Variants in SLC49A4 observed in about 807,000 individuals in gnomAD.
SLC49A4 encodes solute carrier family 49 member 4.
SLC49A4 carries 36 observed loss-of-function variants against 50.6 expected under a neutral mutation model. The ratio of observed to expected loss-of-function variants is 0.71; its 90% confidence interval spans 0.55 to 0.94. SLC49A4 has a LOEUF of 0.94. Ranked by LOEUF, SLC49A4 falls within the 40% of genes least tolerant of loss-of-function variation. The probability of loss-of-function intolerance (pLI) is 0.00; values close to 1 mark genes in which losing one functional copy is unlikely to be tolerated. For synonymous variants in SLC49A4, 248 were observed against 241.2 expected, an observed-to-expected ratio of 1.03 and a Z score of -0.26; for missense variants, 503 against 605.7, an observed-to-expected ratio of 0.83 and a Z score of 1.78.
chr3:122,872,067 G>C (rs530373991), intron 7 of SLC49A4, among the ~76,000 whole-genome samples: 2 of 151,654 alleles, frequency 1.3e-5, no homozygotes, highest in Admixed American at 1.3e-4. Context: ...TAGATTTTAC[G>C]CTCTCTTTCT....
intron 7 of SLC49A4, among the ~76,000 whole-genome samples, chr3:122,861,043 C>G (rs1254283349): frequency 6.6e-6 from 1 of 152,178 alleles, no homozygotes; most frequent in Non-Finnish European, 1.5e-5. Flanking sequence ...TGCCTTTCTT[C>G]CATCGTTACA....
rs1052053508 is a variant in SLC49A4 at position 122,880,404 on chromosome 3, C to T, written c.*1026C>T. The T allele has an allele frequency of 6.6e-6, 1 of 152,198 alleles. No homozygotes were observed. The highest frequency in any genetic ancestry group is 2.4e-5 in the African/African-American group (1 of 41,378). The allele number at this position is 152,198 out of a possible 1,614,324, so 9.4% of individuals were successfully genotyped here. The stretch of plus-strand genomic sequence containing the variant: ...GGAGTCAGCATATTTGAGAGGGCAG[C>T]GTTTTGCCAGTACCTATCTTCTTTC... On this transcript the variant is annotated 3_prime_UTR_variant, in exon 9 of 9. Transcript: ENST00000261038.
At chr3:122,831,595 G>C (rs1936609291) in intron 3 of SLC49A4, among the ~76,000 whole-genome samples, 5 of 152,098 alleles carry the variant, frequency 3.3e-5, no homozygotes, top group Admixed American at 1.3e-4. Flanking sequence ...GTAGATCAGA[G>C]GTTGCCTAGG....
chr3:122,815,546 A>G (rs571170964), intron 2 of SLC49A4, among the ~76,000 whole-genome samples: 49 of 152,232 alleles, frequency 3.2e-4, no homozygotes, highest in Non-Finnish European at 5.9e-4. Context: ...AAATAGGCAG[A>G]GACAGTTAGG....
intron 4 of SLC49A4, among the ~76,000 whole-genome samples, chr3:122,833,662 A>G (rs1936637453): frequency 6.6e-6 from 1 of 152,174 alleles, no homozygotes; most frequent in South Asian, 2.1e-4. Context: ...TGCCTTCTCT[A>G]CATATCACCT....
chr3:122,823,487 A>G (rs1408295226), intron 2 of SLC49A4, among the ~76,000 whole-genome samples: 5 of 152,182 alleles, frequency 3.3e-5, no homozygotes, highest in Admixed American at 3.3e-4. Context: ...TGCTAGTATC[A>G]CTGTACTTTT....
chr3:122,803,140 A>T (rs2107555373), intron 1 of SLC49A4, among the ~76,000 whole-genome samples: 1 of 152,336 alleles, frequency 6.6e-6, no homozygotes. Context: ...ACACCAAGGC[A>T]CATCATGGTC....
intron 3 of SLC49A4, among the ~76,000 whole-genome samples, chr3:122,829,837 G>A (rs1936585758): frequency 6.6e-6 from 1 of 152,162 alleles, no homozygotes. Context: ...TTAAAACTGT[G>A]CTGGAGGTTC....
intron 2 of SLC49A4, among the ~76,000 whole-genome samples, chr3:122,822,443 ATC>A (rs1396963628): frequency 6.6e-6 from 1 of 152,188 alleles, no homozygotes; most frequent in Non-Finnish European, 1.5e-5. Flanking sequence ...TTATTCCTGC[ATC>A]TGTTTCTTCT....
intron 1 of SLC49A4, among the ~76,000 whole-genome samples, chr3:122,800,049 T>G (rs1441651981): frequency 6.6e-6 from 1 of 152,150 alleles, no homozygotes; most frequent in African/African-American, 2.4e-5. Context: ...GAGAGGCCTG[T>G]GCAGTATATT....
At position 122,826,730 on chromosome 3, in the gene SLC49A4, G is replaced by C. The variant is rs1936533855; in HGVS notation, c.438-70G>C. 13 of 1,520,062 alleles carry C rather than the reference G, an allele frequency of 8.6e-6. No individual in the cohort carries two copies. The South Asian group carries it at 1.3e-4, about 15-fold the overall frequency. 94.2% of individuals were successfully genotyped at this position (1,520,062 alleles called of 1,614,324 possible). ...TGCCATAGTTAAAAACTGCTGTTTG[G>C]CTCATTTCTTTTTGTCTTAGAAAAT... On this transcript the variant is annotated intron_variant, in intron 2 of 8. Transcript: ENST00000261038.
intron 5 of SLC49A4, among the ~76,000 whole-genome samples, chr3:122,849,445 A>C (rs1173559413): frequency 1.3e-5 from 2 of 152,170 alleles, no homozygotes; most frequent in African/African-American, 4.8e-5. Flanking sequence ...TTCCACCAGC[A>C]GTGTCCAAGC....
rs1202754734 is a variant in SLC49A4, at chr3:122,880,706, C to T, written c.*1328C>T. The T allele has an allele frequency of 1.3e-5, 2 of 152,122 alleles. No individual in the cohort carries two copies. Among genetic ancestry groups the T allele is most frequent in the Non-Finnish European group, 2.9e-5 (2 of 68,064 alleles). 9.4% of individuals were successfully genotyped at this position (152,122 alleles called of 1,614,324 possible). A position where few individuals can be genotyped will look rare whatever the true frequency, so the allele number is the denominator to read the frequency against. ...TAAGTATATATACTTTTGTGTTTTC[C>T]TGGACAGAGTGCAAGTGGCTCTTAT... On this transcript the variant is annotated 3_prime_UTR_variant, in exon 9 of 9. Transcript: ENST00000261038.
At chr3:122,869,251 A>C (rs564069757) in intron 7 of SLC49A4, among the ~76,000 whole-genome samples, 1 of 152,094 alleles carries the variant, frequency 6.6e-6, no homozygotes, top group African/African-American at 2.4e-5. Context: ...CTCTAAAGGC[A>C]AATCTGATTG....
At chr3:122,842,094 A>C (rs1012259147) in intron 4 of SLC49A4, among the ~76,000 whole-genome samples, 1 of 152,142 alleles carries the variant, frequency 6.6e-6, no homozygotes, top group Non-Finnish European at 1.5e-5. Flanking sequence ...AAAGGTAGAG[A>C]GGTAGATTGG....
rs1313055136 is a variant in SLC49A4 at position 122,852,019 on chromosome 3, AGTCTTGCCCTGTCACC to A, written c.943-4287_943-4272del. Among the ~76,000 whole-genome samples, 3 of 124,520 alleles carry A rather than the reference AGTCTTGCCCTGTCACC, an allele frequency of 2.4e-5. No individual in the cohort carries two copies. The East Asian group carries it at 7.0e-4, about 29-fold the overall frequency. 81.7% of individuals were successfully genotyped at this position (124,520 alleles called of 152,430 possible). A position where few individuals can be genotyped will look rare whatever the true frequency, so the allele number is the denominator to read the frequency against. ...TTTTTTTTTTTTTTTTTTGAGATGG[AGTCTTGCCCTGTCACC>A]CAGGCTAGAGTGCAGCGGCGTGATC... On this transcript the variant is annotated intron_variant, in intron 5 of 8. Transcript: ENST00000261038.
chr3:122,827,033 T>C lies in SLC49A4; in HGVS notation c.671T>C (p.Ile224Thr). The change falls in exon 3 of 9, where the codon ATT becomes ACT. Residue 224 changes from isoleucine (I) to threonine (T), a missense_variant. Transcript: ENST00000261038. ...LLAAESSRAH[I>T]KDRIEAVLYA... ...GCTGCAGAGAGCAGCAGGGCGCATA[T>C]TAAAGATCGCATAGAGGCTGTGTTA... 1 of 1,613,806 alleles carries C rather than the reference T, an allele frequency of 6.2e-7. No homozygotes were observed. The highest frequency in any genetic ancestry group is 8.5e-7 in the Non-Finnish European group (1 of 1,179,660).
At chr3:122,801,873 C>G (rs1481661074) in intron 1 of SLC49A4, among the ~76,000 whole-genome samples, 5 of 152,050 alleles carry the variant, frequency 3.3e-5, no homozygotes, top group South Asian at 2.1e-4. Context: ...GTGTGGTGGT[C>G]TGTAGACAAC....
At position 122,838,986 on chromosome 3, in the gene SLC49A4, T is replaced by G. The variant is rs886949198; in HGVS notation, c.833+5540T>G. On this transcript the variant is annotated intron_variant, in intron 4 of 8. Transcript: ENST00000261038. ...AGGCATCACATTACCTGACTTCAAA[T>G]TATACTACAAGGGTATAGTTACTAA... 6.1e-4 allele frequency among the ~76,000 whole-genome samples: 93 copies of G among 152,206 alleles called. 1 individual carries two copies. The highest frequency in any genetic ancestry group is 7.8e-4 in the Admixed American group (12 of 15,288).
Sources: gnomAD v4.1 joint callset for allele counts (sites outside exome capture counted in the v4.1 genomes callset) on GRCh38, gnomAD v4.1.1 for gene constraint, MANE v1.5 for transcripts, NCBI Gene and HGNC (gene_info 2026-07-23, HGNC 2026-07-21) for gene names.